DOCK9: variants seen among roughly 807,000 people sequenced by gnomAD.
DOCK9 encodes the protein dedicator of cytokinesis protein 9.
Under a neutral mutation model 263.3 loss-of-function variants are expected in DOCK9, and 89 were observed. That is an observed-to-expected ratio of 0.34 (90% CI 0.28 to 0.40). The LOEUF (loss-of-function observed/expected upper bound fraction) is 0.40, where lower values mean the gene tolerates loss of function less well. Ranked by LOEUF, DOCK9 falls within the 10% of genes least tolerant of loss-of-function variation. The pLI is 1.00. For missense variants in DOCK9, 2,140 were observed against 2,603.4 expected (o/e 0.82, Z 3.87); for synonymous variants, 976 against 973.1 (o/e 1.00, Z -0.06).
At chr13:98,960,987 G>C (rs1326479905) in intron 1 of DOCK9, among the ~76,000 whole-genome samples, 1 of 152,182 alleles carries the variant, frequency 6.6e-6, no homozygotes, top group African/African-American at 2.4e-5. Flanking sequence ...ACAGCTTTGA[G>C]GGGAGGGCTG....
At chr13:99,044,057 A>G (rs1888729016) in intron 1 of DOCK9, among the ~76,000 whole-genome samples, 1 of 152,220 alleles carries the variant, frequency 6.6e-6, no homozygotes, top group East Asian at 1.9e-4. Flanking sequence ...TATTTATATG[A>G]CAGATTAGCT....
chr13:99,086,180 G>A, intron 1 of DOCK9: 3 of 1,455,606 alleles, frequency 2.1e-6, no homozygotes, highest in East Asian at 2.9e-5. Flanking sequence ...AGCTGCCTGC[G>A]CCCCCGCCAT....
intron 1 of DOCK9, among the ~76,000 whole-genome samples, chr13:99,040,448 T>C (rs1490041148): frequency 2.0e-5 from 3 of 152,150 alleles, no homozygotes; most frequent in Non-Finnish European, 4.4e-5. Flanking sequence ...AAAAAAATCC[T>C]GATGCTGACT....
At chr13:98,985,063 T>G (rs1208536415) in intron 1 of DOCK9, among the ~76,000 whole-genome samples, 3 of 73,542 alleles carry the variant, frequency 4.1e-5, no homozygotes, top group Non-Finnish European at 7.7e-5. Flanking sequence ...TGAAGAAGAC[T>G]ATGGGGGCAG....
At position 98,805,084 on chromosome 13, in the gene DOCK9, G is replaced by C; in HGVS notation, c.5640C>G (p.Arg1880=). 1 of 1,612,110 alleles carries C rather than the reference G, an allele frequency of 6.2e-7. No individual in the cohort carries two copies. Among genetic ancestry groups the C allele is most frequent in the Non-Finnish European group, 8.5e-7 (1 of 1,179,086 alleles). Residue 1880 remains arginine, a synonymous_variant, in exon 49 of 53, where the codon CGC becomes CGG. Transcript: ENST00000682017. ...GCGTAAATGGCATCTCAAACATGAA[G>C]CGGCGGATGTTGTGGGATCTCTCAA... ...TEFERSHNIR[R]FMFEMPFTQT...
chr13:98,878,748 G>A (rs760604378), intron 27 of DOCK9, among the ~76,000 whole-genome samples: 41 of 152,212 alleles, frequency 2.7e-4, no homozygotes, highest in Admixed American at 1.6e-3. Flanking sequence ...AAGAAAAGGA[G>A]AAACCACCTG....
At chr13:98,955,366 T>C (rs2057931518) in intron 2 of DOCK9, 69 bp downstream of exon 2, 1 of 1,012,372 alleles carries the variant, frequency 9.9e-7, no homozygotes, top group East Asian at 2.7e-5. Context: ...AATAAATCAA[T>C]ACATAGAAAA....
intron 1 of DOCK9, among the ~76,000 whole-genome samples, chr13:98,966,279 G>A (rs367828020): frequency 1.3e-5 from 2 of 152,176 alleles, no homozygotes; most frequent in Admixed American, 6.5e-5. Flanking sequence ...CCCTGATACC[G>A]GCCATGGGCC....
chr13:98,812,383 T>A (rs1479475030), intron 45 of DOCK9, among the ~76,000 whole-genome samples: 2 of 151,562 alleles, frequency 1.3e-5, no homozygotes, highest in Non-Finnish European at 2.9e-5. Flanking sequence ...AAATTCTTCA[T>A]CCCCTAGAGC....
intron 45 of DOCK9, among the ~76,000 whole-genome samples, chr13:98,815,872 C>A (rs1428013223): frequency 6.6e-6 from 1 of 152,180 alleles, no homozygotes; most frequent in African/African-American, 2.4e-5. Context: ...GACACCCTGT[C>A]CTTTGTGGAT....
intron 1 of DOCK9, among the ~76,000 whole-genome samples, chr13:98,972,155 T>C (rs2059801432): frequency 6.6e-6 from 1 of 152,206 alleles, no homozygotes; most frequent in African/African-American, 2.4e-5. Flanking sequence ...GTGCTCAGTT[T>C]CCTCGTCTGA....
chr13:99,015,611 C>T (rs1885281317), intron 1 of DOCK9: 1 of 1,588,528 alleles, frequency 6.3e-7, no homozygotes, highest in Non-Finnish European at 8.5e-7. Context: ...CAACCCATCC[C>T]CAAGGTGTGG....
chr13:98,906,856 T>G (rs551375235), intron 9 of DOCK9, among the ~76,000 whole-genome samples: 139 of 152,306 alleles, frequency 9.1e-4, no homozygotes, highest in Non-Finnish European at 1.6e-3. Flanking sequence ...TGCAAGCTAC[T>G]TAGCCTCTCT....
At chr13:99,017,744 T>TAA (rs202029815) in intron 1 of DOCK9, among the ~76,000 whole-genome samples, 1 of 152,112 alleles carries the variant, frequency 6.6e-6, no homozygotes, top group Non-Finnish European at 1.5e-5. Context: ...TGATGAGCTT[T>TAA]AAAAAAAATC....
At chr13:99,039,443 G>T (rs772120100) in intron 1 of DOCK9, among the ~76,000 whole-genome samples, 2 of 152,094 alleles carry the variant, frequency 1.3e-5, no homozygotes, top group Non-Finnish European at 2.9e-5. Flanking sequence ...GGAAAACCCT[G>T]CTCTTAAATG....
chr13:99,071,049 A>G, intron 1 of DOCK9, among the ~76,000 whole-genome samples: 1 of 152,154 alleles, frequency 6.6e-6, no homozygotes, highest in East Asian at 1.9e-4. Flanking sequence ...ATCCACCTAT[A>G]ACTTTTGACT....
chr13:98,911,522 C>T (rs1595229170), intron 9 of DOCK9, among the ~76,000 whole-genome samples: 1 of 152,262 alleles, frequency 6.6e-6, no homozygotes, highest in East Asian at 1.9e-4. Context: ...GACACACATA[C>T]ACACTATATG....
intron 47 of DOCK9, 99 bp from the exon 48 acceptor site, chr13:98,807,906 G>T: frequency 9.6e-7 from 1 of 1,038,756 alleles, no homozygotes; most frequent in Non-Finnish European, 1.3e-6. Flanking sequence ...AAAAGGAATG[G>T]GTCTAAAAAT....
chr13:99,073,084 T>G (rs959245036), intron 1 of DOCK9, among the ~76,000 whole-genome samples: 1 of 152,162 alleles, frequency 6.6e-6, no homozygotes, highest in Non-Finnish European at 1.5e-5. Context: ...GAAGGAATGC[T>G]GACCAACTGA....
Sources: allele counts gnomAD v4.1 joint callset (sites outside exome capture counted in the v4.1 genomes callset), GRCh38; gene constraint gnomAD v4.1.1; transcripts MANE v1.5; gene names NCBI Gene and HGNC (gene_info 2026-07-23, HGNC 2026-07-21).